CDH12: variants seen among roughly 807,000 people sequenced by gnomAD.
CDH12 encodes the protein cadherin-12.
CDH12 carries 41 observed loss-of-function variants against 74.1 expected under a neutral mutation model. The ratio of observed to expected loss-of-function variants is 0.55; its 90% CI spans 0.43 to 0.72. CDH12 has a LOEUF of 0.72. Among genes scored for constraint, CDH12 ranks in the 30% least tolerant of loss-of-function variants. CDH12 has a pLI of 0.00. For synonymous variants in CDH12, 399 were observed against 355.0 expected (o/e 1.12, Z -1.39); for missense variants, 945 against 977.2 (o/e 0.97, Z 0.44).
At chr5:21,825,685 G>A (rs1330994896) in intron 8 of CDH12, among the ~76,000 whole-genome samples, 2 of 152,140 alleles carry the variant, frequency 1.3e-5, no homozygotes, top group South Asian at 2.1e-4. Flanking sequence ...TTTCCCCTGA[G>A]ATATAGTGAC....
At chr5:22,772,354 G>A (rs1290218961) in intron 1 of CDH12, among the ~76,000 whole-genome samples, 2 of 151,794 alleles carry the variant, frequency 1.3e-5, no homozygotes, top group Admixed American at 6.6e-5. Flanking sequence ...GAATGATGTC[G>A]GTTCAAAGAA....
At chr5:21,962,516 G>A (rs1275334997) in intron 6 of CDH12, among the ~76,000 whole-genome samples, 1 of 151,954 alleles carries the variant, frequency 6.6e-6, no homozygotes, top group Non-Finnish European at 1.5e-5. Context: ...CAATGCCTGG[G>A]TCATTATCAT....
chr5:22,551,012 G>A (rs1439903320), intron 1 of CDH12, among the ~76,000 whole-genome samples: 1 of 152,114 alleles, frequency 6.6e-6, no homozygotes, highest in Non-Finnish European at 1.5e-5. Context: ...GGCAAGAATC[G>A]CAACATTTTA....
At chr5:22,776,568 G>A (rs978979881) in intron 1 of CDH12, among the ~76,000 whole-genome samples, 1 of 152,234 alleles carries the variant, frequency 6.6e-6, no homozygotes, top group African/African-American at 2.4e-5. Context: ...CTGAGATGAG[G>A]AAGGATTTTC....
chr5:22,120,965 T>G (rs189670974), intron 4 of CDH12, among the ~76,000 whole-genome samples: 1 of 152,342 alleles, frequency 6.6e-6, no homozygotes, highest in Admixed American at 6.5e-5. Flanking sequence ...TTTAAAATAC[T>G]GTATTAAGCA....
chr5:21,932,635 G>T (rs6452038), intron 6 of CDH12, among the ~76,000 whole-genome samples: 146,743 of 152,094 alleles, frequency 0.96, 70,915 homozygotes, highest in East Asian at 1. Flanking sequence ...GTGCGCTGGC[G>T]CACGCCTGTA....
intron 1 of CDH12, among the ~76,000 whole-genome samples, chr5:22,753,824 C>G (rs1745734031): frequency 6.6e-6 from 1 of 151,874 alleles, no homozygotes; most frequent in African/African-American, 2.4e-5. Context: ...ATTACTGTTT[C>G]CTTAGTTCTT....
At chr5:22,841,622 G>T (rs1359428378) in intron 1 of CDH12, among the ~76,000 whole-genome samples, 1 of 151,644 alleles carries the variant, frequency 6.6e-6, no homozygotes, top group African/African-American at 2.4e-5. Context: ...AACTAATGCT[G>T]CTCCAACACT....
intron 6 of CDH12, among the ~76,000 whole-genome samples, chr5:21,869,940 A>G (rs1751527827): frequency 6.6e-6 from 1 of 152,054 alleles, no homozygotes; most frequent in Non-Finnish European, 1.5e-5. Flanking sequence ...CATAATTCCC[A>G]TGTGTTGTGG....
chr5:22,725,896 T>A (rs918340089), intron 1 of CDH12, among the ~76,000 whole-genome samples: 1 of 151,658 alleles, frequency 6.6e-6, no homozygotes, highest in East Asian at 1.9e-4. Context: ...TCCGACATGA[T>A]CTTTTCCACT....
chr5:22,401,056 T>C (rs1376023432), intron 3 of CDH12, among the ~76,000 whole-genome samples: 4 of 152,312 alleles, frequency 2.6e-5, no homozygotes, highest in Non-Finnish European at 5.9e-5. Context: ...AAGCCATTAT[T>C]ATATCTGCAT....
chr5:22,568,971 T>C (rs1739417939), intron 1 of CDH12, among the ~76,000 whole-genome samples: 1 of 152,204 alleles, frequency 6.6e-6, no homozygotes, highest in South Asian at 2.1e-4. Flanking sequence ...TGACAAGCGA[T>C]GTGGTTGCTA....
At chr5:22,059,246 C>A (rs938563024) in intron 5 of CDH12, among the ~76,000 whole-genome samples, 1 of 140,702 alleles carries the variant, frequency 7.1e-6, no homozygotes. Context: ...GTTCAGTTTT[C>A]CTTGTACTCT....
intron 2 of CDH12, among the ~76,000 whole-genome samples, chr5:22,452,874 T>A (rs1362909465): frequency 1.1e-3 from 13 of 12,084 alleles, no homozygotes; most frequent in African/African-American, 2.9e-3. Flanking sequence ...TCAAACAACC[T>A]AAGAGCAAAA....
chr5:22,631,976 T>A (rs550390518), intron 1 of CDH12, among the ~76,000 whole-genome samples: 85 of 152,234 alleles, frequency 5.6e-4, no homozygotes, highest in African/African-American at 1.9e-3. Context: ...ACAATGGGGA[T>A]TGCAATTTGA....
intron 1 of CDH12, among the ~76,000 whole-genome samples, chr5:22,573,113 C>A (rs1739617783): frequency 6.6e-6 from 1 of 152,126 alleles, no homozygotes; most frequent in Non-Finnish European, 1.5e-5. Context: ...AAATTTGCAG[C>A]AGTACTTGAG....
At chr5:21,752,532 G>C (rs1744156698) in intron 14 of CDH12, among the ~76,000 whole-genome samples, 1 of 152,080 alleles carries the variant, frequency 6.6e-6, no homozygotes, top group Non-Finnish European at 1.5e-5. Context: ...GGAAATAGTA[G>C]TTCTTCCACT....
intron 8 of CDH12, among the ~76,000 whole-genome samples, chr5:21,826,693 G>A (rs910458274): frequency 6.6e-6 from 1 of 152,082 alleles, no homozygotes; most frequent in Non-Finnish European, 1.5e-5. Flanking sequence ...TCAACATGAA[G>A]GAAACGAATA....
At chr5:22,304,657 GTT>G (rs1738027742) in intron 3 of CDH12, among the ~76,000 whole-genome samples, 3 of 152,110 alleles carry the variant, frequency 2.0e-5, no homozygotes, top group Admixed American at 2.0e-4. Context: ...ATCACTAACT[GTT>G]TTCATTTAGA....
Sources: allele counts gnomAD v4.1 joint callset (sites outside exome capture counted in the v4.1 genomes callset), GRCh38; gene constraint gnomAD v4.1.1; transcripts MANE v1.5; gene names NCBI Gene and HGNC (gene_info 2026-07-23, HGNC 2026-07-21).